The following PHF12 variants were observed in gnomAD, a reference collection of about 807,000 sequenced individuals.
PHF12 encodes PHD factor 1.
PHF12 carries 6 observed loss-of-function variants against 99.8 expected under a neutral mutation model. The observed-to-expected ratio is 0.06, with a 90% confidence interval of 0.03 to 0.12. The LOEUF (loss-of-function observed/expected upper bound fraction) is 0.12, where lower values mean the gene tolerates loss of function less well. Ranked by LOEUF, PHF12 falls within the 10% of genes least tolerant of loss-of-function variation. The pLI is 1.00. For missense variants in PHF12, 954 were observed against 1,300.1 expected (o/e 0.73, Z 4.09); for synonymous variants, 480 against 514.9 (o/e 0.93, Z 0.92).
chr17:28,932,349 G>A (rs758655959), intron 2 of PHF12, among the ~76,000 whole-genome samples: 9 of 152,106 alleles, frequency 5.9e-5, no homozygotes, highest in Admixed American at 1.3e-4. Context: ...CGAAGGCTGG[G>A]TCTTGAACTC....
In PHF12 at chr17:28,949,304, GGGA is replaced by G. The variant is rs2040768001; in HGVS notation, c.248+758_248+760del. ...TTCCTAAGAGGCAGCGGCGCCGGGAGGGAGGAGGGAAGAGGGAGGAGGAAGGAA... is the reference window on the plus strand; with the variant it reads ...TTCCTAAGAGGCAGCGGCGCCGGGAGGGAGGGAAGAGGGAGGAGGAAGGAA... On this transcript the variant is annotated intron_variant, in intron 2 of 14. Transcript: ENST00000332830. This position sits in a 1 kb window ranked among gnomAD's most constrained non-coding sequence, Gnocchi z 4.6. Among the ~76,000 whole-genome samples the G allele has an allele frequency of 6.6e-6, 1 of 152,186 alleles. No homozygotes were observed. Among genetic ancestry groups the G allele is most frequent in the Non-Finnish European group, 1.5e-5 (1 of 68,022 alleles).
intron 11 of PHF12, 36 bp downstream of exon 11, chr17:28,910,190 A>C: frequency 1.2e-6 from 2 of 1,614,044 alleles, no homozygotes; most frequent in Non-Finnish European, 1.7e-6. Flanking sequence ...TAGAGGGGAG[A>C]TCTGATGATG....
chr17:28,929,938 C>T (rs1212564262), intron 2 of PHF12: 1 of 152,236 alleles, frequency 6.6e-6, no homozygotes, highest in Non-Finnish European at 1.5e-5. Flanking sequence ...AGTAGCTGTC[C>T]TATCAAAATT....
intron 4 of PHF12, 71 bp from the exon 5 acceptor site, chr17:28,921,879 A>G: frequency 2.5e-6 from 4 of 1,590,912 alleles, no homozygotes; most frequent in Non-Finnish European, 2.6e-6. Context: ...TGGAAACAAC[A>G]TTAAGTGACA....
chr17:28,908,844 G>A lies in PHF12; in HGVS notation c.2397C>T (p.Tyr799=). The change falls in exon 12 of 15, where the codon TAC becomes TAT. Residue 799 remains tyrosine (Y), a synonymous_variant. Coordinates refer to ENST00000332830, the MANE Select transcript of PHF12 (RefSeq NM_001033561.2). The part of the protein sequence containing the change: ...RKEVQARAVF[Y]PLLGLGGAVN... ...CAGCTCCTCCCAACCCTAAGAGGGG[G>A]TAGAACACAGCTCGGGCCTGTACCT... 1.2e-6 allele frequency: 2 copies of A among 1,614,110 alleles called. No homozygotes were observed. The highest frequency in any genetic ancestry group is 1.7e-6 in the Non-Finnish European group (2 of 1,180,006).
rs143699015 is a variant in PHF12, at chr17:28,929,176, C to A, written c.249-2113G>T. 2.6e-4 allele frequency among the ~76,000 whole-genome samples: 39 copies of A among 151,634 alleles called. No individual in the cohort carries two copies. The East Asian group carries it at 7.4e-3, about 29-fold the overall frequency. On this transcript the variant is annotated intron_variant, in intron 2 of 14. Transcript: ENST00000332830. Reference sequence around the variant, plus strand: ...TACCATTGAGTTCTTGGCTAAGTCACCTACTTGGAATGGTATGCAGGAAAT... The same window carrying A: ...TACCATTGAGTTCTTGGCTAAGTCAACTACTTGGAATGGTATGCAGGAAAT...
intron 2 of PHF12, among the ~76,000 whole-genome samples, chr17:28,942,733 T>C (rs941373554): frequency 7.9e-5 from 12 of 151,962 alleles, no homozygotes; most frequent in African/African-American, 2.9e-4. Flanking sequence ...GGAGAACCAC[T>C]TGAACCTGGG....
chr17:28,950,988 C>G lies in PHF12; in HGVS notation c.-28G>C, dbSNP rs199895086. 1.2e-4 allele frequency: 187 copies of G among 1,613,154 alleles called. No individual in the cohort carries two copies. The highest frequency in any genetic ancestry group is 1.5e-4 in the Non-Finnish European group (174 of 1,179,540). On this transcript the variant is annotated 5_prime_UTR_variant, in exon 1 of 15. Coordinates refer to ENST00000332830, the MANE Select transcript of PHF12 (RefSeq NM_001033561.2). This position sits in a 1 kb window ranked among gnomAD's most constrained non-coding sequence, Gnocchi z 5.7. ...ATCCACCTCCCGGGCTGGGTGCTCT[C>G]TGCTCCGGCCCCCCCAACCCCGGGG...
rs775480431 is a variant in PHF12 at position 28,912,767 on chromosome 17, C to T, written c.1804G>A (p.Val602Met). The T allele has an allele frequency of 6.2e-6, 10 of 1,613,818 alleles. No individual in the cohort carries two copies. In the Admixed American group the frequency reaches 1.2e-4, roughly 19 times the overall value. Residue 602 changes from valine to methionine, a missense_variant, in exon 9 of 15, where the codon GTG (valine) becomes ATG (methionine). Physicochemically the swap from Val to Met is conservative, Grantham distance 21. This residue lies in a region of PHF12 where 392 missense variants were observed against 423.1 expected (regional missense o/e 0.93). Coordinates refer to ENST00000332830, the MANE Select transcript of PHF12 (RefSeq NM_001033561.2). ...GLQNHTVGII[V>M]KTENATGPSS... Reference sequence around the variant, plus strand: ...GGGCCAGTGGCATTCTCTGTCTTCACAATGATGCCGACGGTGTGGTTCTGA... The same window carrying T: ...GGGCCAGTGGCATTCTCTGTCTTCATAATGATGCCGACGGTGTGGTTCTGA...
chr17:28,912,113 G>T, intron 9 of PHF12: 1 of 1,068,876 alleles, frequency 9.4e-7, no homozygotes, highest in Non-Finnish European at 1.1e-6. Context: ...CAGAACCTCA[G>T]GCTGATCATA....
At chr17:28,937,963 C>T (rs931155253) in intron 2 of PHF12, among the ~76,000 whole-genome samples, 1 of 152,168 alleles carries the variant, frequency 6.6e-6, no homozygotes, top group African/African-American at 2.4e-5. Flanking sequence ...CTCTTGGGAA[C>T]ATTCCATTGG....
Position 28,917,469 on chromosome 17 carries a change from A to T in PHF12, c.970-20T>A, listed in dbSNP as rs1241014379. Reference sequence around the variant, plus strand: ...GTTCAGCTAGGGACAAAGCAGACACAACCTTGTGGTGAGCCTCAAAAGGCA... The same window carrying T: ...GTTCAGCTAGGGACAAAGCAGACACTACCTTGTGGTGAGCCTCAAAAGGCA... On this transcript the variant is annotated intron_variant, in intron 6 of 14. Coordinates refer to ENST00000332830, the MANE Select transcript of PHF12 (RefSeq NM_001033561.2). 6.3e-7 allele frequency: 1 copy of T among 1,577,584 alleles called. No individual in the cohort carries two copies. Among genetic ancestry groups the T allele is most frequent in the South Asian group, 1.2e-5 (1 of 85,342 alleles).
rs1309124494 is a variant in PHF12, at chr17:28,924,146, T to G, written c.478A>C (p.Arg160=). The stretch of plus-strand genomic sequence containing the variant: ...GTGGGTGTGCCAGGCCTGCTGGCTC[T>G]CCTTTCCAGGATCCGGGCATGGGCA... ...AIAHARILER[R]ASRPGTPTSS... The change falls in exon 4 of 15, where the codon AGA becomes CGA. Residue 160 remains arginine (R), a synonymous_variant. Coordinates refer to ENST00000332830, the MANE Select transcript of PHF12 (RefSeq NM_001033561.2). The G allele has an allele frequency of 6.2e-7, 1 of 1,614,202 alleles. No homozygotes were observed. Among genetic ancestry groups the G allele is most frequent in the East Asian group, 2.2e-5 (1 of 44,882 alleles).
chr17:28,910,120 G>T, intron 11 of PHF12, 106 bp downstream of exon 11: 2 of 1,502,030 alleles, frequency 1.3e-6, no homozygotes, highest in Non-Finnish European at 9.3e-7. Flanking sequence ...AGCACACAAG[G>T]AGGTTTGAGA....
chr17:28,907,434 A>G, intron 13 of PHF12, 156 bp downstream of exon 13: 1 of 706,734 alleles, frequency 1.4e-6, no homozygotes, highest in Non-Finnish European at 2.3e-6. Context: ...GCTATTTCAC[A>G]TCAAGACTCT....
At position 28,950,207 on chromosome 17, in the gene PHF12, C is replaced by G; in HGVS notation, c.106G>C (p.Ala36Pro). The G allele has an allele frequency of 6.2e-7, 1 of 1,612,714 alleles. No homozygotes were observed. Among genetic ancestry groups the G allele is most frequent in the Non-Finnish European group, 8.5e-7 (1 of 1,180,002 alleles). The change falls in exon 2 of 15, where the codon GCA becomes CCA. Residue 36 changes from alanine (A) to proline (P), a missense_variant. Transcript: ENST00000332830. This position sits in a 1 kb window ranked among gnomAD's most constrained non-coding sequence, Gnocchi z 5.7. The stretch of plus-strand genomic sequence containing the variant: ...TCAGGCTTCCGACTGCGCTTTTCTG[C>G]CTCGTCCGTCTTGGGGGGAGCCAGC... The part of the protein sequence containing the change: ...ALLAPPKTDE[A>P]EKRSRKPEKE...
At chr17:28,934,043 C>T (rs2040462863) in intron 2 of PHF12, among the ~76,000 whole-genome samples, 1 of 151,910 alleles carries the variant, frequency 6.6e-6, no homozygotes. Context: ...CAAGACCCCG[C>T]CTCAAAAAAA....
In PHF12 at chr17:28,908,845, T is replaced by C. The variant is rs1398517820; in HGVS notation, c.2396A>G (p.Tyr799Cys). ...RKEVQARAVF[Y>C]PLLGLGGAVN... Reference sequence around the variant, plus strand: ...AGCTCCTCCCAACCCTAAGAGGGGGTAGAACACAGCTCGGGCCTGTACCTC... The same window carrying C: ...AGCTCCTCCCAACCCTAAGAGGGGGCAGAACACAGCTCGGGCCTGTACCTC... Residue 799 changes from tyrosine to cysteine, a missense_variant, in exon 12 of 15, where the codon TAC becomes TGC. Tyr to Cys is a radical substitution (Grantham distance 194). Coordinates refer to ENST00000332830, the MANE Select transcript of PHF12 (RefSeq NM_001033561.2). The C allele has an allele frequency of 1.9e-6, 3 of 1,613,794 alleles. No homozygotes were observed. Among genetic ancestry groups the C allele is most frequent in the East Asian group, 2.2e-5 (1 of 44,868 alleles).
At position 28,905,970 on chromosome 17, in the gene PHF12, A is replaced by C; in HGVS notation, c.*213T>G. The C allele has an allele frequency of 2.0e-6, 1 of 506,184 alleles. No individual in the cohort carries two copies. The highest frequency in any genetic ancestry group is 3.4e-6 in the Non-Finnish European group (1 of 297,764). 31.4% of individuals were successfully genotyped at this position (506,184 alleles called of 1,614,324 possible). A position where few individuals can be genotyped will look rare whatever the true frequency, so the allele number is the denominator to read the frequency against. On this transcript the variant is annotated 3_prime_UTR_variant, in exon 15 of 15. Coordinates refer to ENST00000332830, the MANE Select transcript of PHF12 (RefSeq NM_001033561.2). ...TCTGCCGCTTTCCCATGAAATGTTG[A>C]GTACAAATATATGTGCAAATGCCCC...
Sources: gnomAD v4.1 joint callset for allele counts (sites outside exome capture counted in the v4.1 genomes callset) on GRCh38, gnomAD v4.1.1 for gene constraint, gnomAD v4.1.1 regional missense constraint, Gnocchi (gnomAD v3.1) non-coding constraint, MANE v1.5 for transcripts, NCBI Gene and HGNC (gene_info 2026-07-23, HGNC 2026-07-21) for gene names.